Variants in PANX1 observed in about 807,000 individuals in gnomAD.
PANX1 encodes the protein pannexin-1.
Under a neutral mutation model 38.7 loss-of-function variants are expected in PANX1, and 30 were observed. The observed-to-expected ratio is 0.78, with a 90% CI of 0.58 to 1.05. The LOEUF (loss-of-function observed/expected upper bound fraction) is 1.05, where lower values mean the gene tolerates loss of function less well. Among genes scored for constraint, PANX1 ranks in the 50% least tolerant of loss-of-function variants. The pLI, the probability that PANX1 is intolerant of heterozygous loss-of-function variation, is 0.00. For missense variants in PANX1, 551 were observed against 517.2 expected (o/e 1.07, Z -0.63); for synonymous variants, 230 against 212.2 (o/e 1.08, Z -0.73).
At chr11:94,159,146 T>G (rs1208864803) in intron 2 of PANX1, among the ~76,000 whole-genome samples, 1 of 152,190 alleles carries the variant, frequency 6.6e-6, no homozygotes, top group Non-Finnish European at 1.5e-5. Context: ...CTGGATTCGG[T>G]TTGCCAGTAT....
At chr11:94,178,625 T>G in intron 3 of PANX1, 33 bp downstream of exon 3, 2 of 1,536,780 alleles carry the variant, frequency 1.3e-6, no homozygotes, top group Non-Finnish European at 1.8e-6. Flanking sequence ...CTCATCGGGT[T>G]TTGTAGGACA....
chr11:94,178,178 T>A (rs996738715), intron 2 of PANX1, among the ~76,000 whole-genome samples, 191 bp from the exon 3 acceptor site: 1 of 151,904 alleles, frequency 6.6e-6, no homozygotes, highest in African/African-American at 2.4e-5. Flanking sequence ...GAAAAAAAAA[T>A]AGGTAGTTAC....
rs1320379786 is a variant in PANX1, at chr11:94,180,813, A to C, written c.1225A>C (p.Lys409Gln). 1 of 1,575,758 alleles carries C rather than the reference A, an allele frequency of 6.3e-7. No individual in the cohort carries two copies. The highest frequency in any genetic ancestry group is 8.7e-7 in the Non-Finnish European group (1 of 1,145,030). The change falls in exon 5 of 5, where the codon AAA becomes CAA. Residue 409 changes from lysine to glutamine, a missense_variant. Lys to Gln is a moderately conservative substitution (Grantham distance 53, BLOSUM62 1). Transcript: ENST00000227638. ...AGGTATGAACATAGACAGTGAAACTAAAGCAAATAATGGAGAGAAGAATGC... is the reference window on the plus strand; with the variant it reads ...AGGTATGAACATAGACAGTGAAACTCAAGCAAATAATGGAGAGAAGAATGC... ...LQGMNIDSET[K>Q]ANNGEKNARQ...
At chr11:94,163,575 C>G (rs761713916) in intron 2 of PANX1, among the ~76,000 whole-genome samples, 1 of 152,104 alleles carries the variant, frequency 6.6e-6, no homozygotes, top group Non-Finnish European at 1.5e-5. Flanking sequence ...AGATAAATCC[C>G]ACTTGGTTGT....
chr11:94,143,889 C>T (rs1187166958), intron 1 of PANX1, among the ~76,000 whole-genome samples: 2 of 152,064 alleles, frequency 1.3e-5, no homozygotes, highest in African/African-American at 2.4e-5. Context: ...GGTGGGACCA[C>T]AGGCGCACGC....
intron 2 of PANX1, among the ~76,000 whole-genome samples, chr11:94,174,100 A>T (rs1288555043): frequency 6.6e-6 from 1 of 151,418 alleles, no homozygotes; most frequent in Non-Finnish European, 1.5e-5. Context: ...CTGTGTCTTC[A>T]TTTGGCCTTC....
chr11:94,178,397 C>T lies in PANX1; in HGVS notation c.350C>T (p.Ala117Val), dbSNP rs184999372. The change falls in exon 3 of 5, where the codon GCG (alanine) becomes GTG (valine). Residue 117 changes from alanine (A) to valine (V), a missense_variant. Physicochemically the swap from Ala to Val is moderately conservative, Grantham distance 64. Coordinates refer to ENST00000227638, the MANE Select transcript of PANX1 (RefSeq NM_015368.4). ...KFFPYILLLF[A>V]ILLYLPPLFW... ...TTCCCCTACATCCTGCTGCTCTTTGCGATCCTCCTGTACCTGCCCCCGCTG... is the reference window on the plus strand; with the variant it reads ...TTCCCCTACATCCTGCTGCTCTTTGTGATCCTCCTGTACCTGCCCCCGCTG... 1.4e-5 allele frequency: 23 copies of T among 1,613,910 alleles called. No homozygotes were observed. Among genetic ancestry groups the T allele is most frequent in the Admixed American group, 3.3e-5 (2 of 60,014 alleles).
At position 94,153,588 on chromosome 11, in the gene PANX1, AC is replaced by A; in HGVS notation, c.280del (p.Leu94CysfsTer46). Reference sequence around the variant, plus strand: ...GGGCGGCTGTTCAGCAGAAGAACTCACTGCAGAGCGAGTCTGGAAACCTCCC... The same window carrying A: ...GGGCGGCTGTTCAGCAGAAGAACTCATGCAGAGCGAGTCTGGAAACCTCCC... The part of the protein sequence containing the change: ...CWAAVQQKNS[L>X]QSESGNLPLW... On this transcript the variant is annotated frameshift_variant, in exon 2 of 5. Transcript: ENST00000227638. LOFTEE classifies it high-confidence loss of function. 1 of 1,613,978 alleles carries A rather than the reference AC, an allele frequency of 6.2e-7. No homozygotes were observed. Among genetic ancestry groups the A allele is most frequent in the Non-Finnish European group, 8.5e-7 (1 of 1,179,864 alleles).
intron 2 of PANX1, among the ~76,000 whole-genome samples, chr11:94,156,610 C>T (rs1040139448): frequency 1.3e-5 from 2 of 151,932 alleles, no homozygotes; most frequent in African/African-American, 2.4e-5. Flanking sequence ...TCGGGGATTA[C>T]GAGTGTCTGG....
intron 2 of PANX1, among the ~76,000 whole-genome samples, chr11:94,160,927 C>T (rs548459642): frequency 4.6e-5 from 7 of 152,158 alleles, no homozygotes; most frequent in Non-Finnish European, 1.0e-4. Context: ...CTGGTGGTGA[C>T]AAAATCTCTC....
chr11:94,157,196 A>G (rs979072359), intron 2 of PANX1, among the ~76,000 whole-genome samples: 39 of 152,220 alleles, frequency 2.6e-4, no homozygotes, highest in African/African-American at 8.9e-4. Flanking sequence ...ATACATGTAC[A>G]TGTGTCTTTA....
chr11:94,129,293 G>C lies in PANX1; in HGVS notation c.-20G>C, dbSNP rs752323855. The C allele has an allele frequency of 6.3e-7, 1 of 1,591,018 alleles. No individual in the cohort carries two copies. The highest frequency in any genetic ancestry group is 8.6e-7 in the Non-Finnish European group (1 of 1,163,022). On this transcript the variant is annotated 5_prime_UTR_variant, in exon 1 of 5. Coordinates refer to ENST00000227638, the MANE Select transcript of PANX1 (RefSeq NM_015368.4). ...CCGGCTGTACCCGGACCTCCTGGTC[G>C]AGCCTGGCGCGCCGCAGCCATGGCC...
chr11:94,147,618 C>T (rs148480827), intron 1 of PANX1, among the ~76,000 whole-genome samples: 23 of 152,268 alleles, frequency 1.5e-4, no homozygotes, highest in East Asian at 1.3e-3. Context: ...CTGCACTTAG[C>T]GGGCTGCGTT....
intron 2 of PANX1, among the ~76,000 whole-genome samples, chr11:94,173,778 A>G (rs1947197487): frequency 6.6e-6 from 1 of 151,702 alleles, no homozygotes; most frequent in African/African-American, 2.4e-5. Flanking sequence ...GCCCTCTACC[A>G]GTGGTACCCC....
intron 1 of PANX1, among the ~76,000 whole-genome samples, chr11:94,152,437 C>T (rs573666007): frequency 2.5e-4 from 38 of 152,298 alleles, no homozygotes; most frequent in African/African-American, 8.7e-4. Context: ...AAATATGACT[C>T]ATGTCAGAGC....
At chr11:94,133,119 A>T (rs1946650498) in intron 1 of PANX1, among the ~76,000 whole-genome samples, 1 of 152,184 alleles carries the variant, frequency 6.6e-6, no homozygotes, top group African/African-American at 2.4e-5. Context: ...GCTGATCTTT[A>T]TCAAGCCCTG....
intron 2 of PANX1, among the ~76,000 whole-genome samples, chr11:94,159,051 T>C (rs549092452): frequency 6.6e-6 from 1 of 152,216 alleles, no homozygotes; most frequent in Non-Finnish European, 1.5e-5. Flanking sequence ...TGGATTACAT[T>C]TATTGATTTG....
At chr11:94,130,369 G>T in intron 1 of PANX1, among the ~76,000 whole-genome samples, 1 of 152,200 alleles carries the variant, frequency 6.6e-6, no homozygotes, top group East Asian at 1.9e-4. Flanking sequence ...TGAGATGGCA[G>T]AGAATGTTAT....
chr11:94,146,751 A>G (rs868431250), intron 1 of PANX1, among the ~76,000 whole-genome samples: 7 of 152,236 alleles, frequency 4.6e-5, no homozygotes, highest in African/African-American at 1.4e-4. Context: ...AAAGACAGAG[A>G]AAGTTCCAGG....
Sources: allele counts gnomAD v4.1 joint callset (sites outside exome capture counted in the v4.1 genomes callset), GRCh38; gene constraint gnomAD v4.1.1; transcripts MANE v1.5; gene names NCBI Gene and HGNC (gene_info 2026-07-23, HGNC 2026-07-21).